Variants in ZNF438 observed in about 807,000 individuals in gnomAD.
ZNF438 encodes the protein zinc finger protein 438.
In ZNF438, 25 loss-of-function variants were observed where a neutral mutation model predicts 38.0. The ratio of observed to expected loss-of-function variants is 0.66; its 90% CI spans 0.48 to 0.92. The LOEUF (loss-of-function observed/expected upper bound fraction) is 0.92. Ranked by LOEUF, ZNF438 falls within the 40% of genes least tolerant of loss-of-function variation. The pLI is 0.00. For missense variants in ZNF438, 1,007 were observed against 999.6 expected, an observed-to-expected ratio of 1.01 and a Z score of -0.10; for synonymous variants, 372 against 364.1, an observed-to-expected ratio of 1.02 and a Z score of -0.25.
At chr10:30,994,332 A>G (rs1046107176) in intron 1 of ZNF438, among the ~76,000 whole-genome samples, 1 of 152,252 alleles carries the variant, frequency 6.6e-6, no homozygotes, top group African/African-American at 2.4e-5. Context: ...TCCTGAATGC[A>G]GAAGTATTGA....
intron 1 of ZNF438, among the ~76,000 whole-genome samples, chr10:30,985,726 T>G (rs1171777251): frequency 6.6e-6 from 1 of 152,208 alleles, no homozygotes; most frequent in Admixed American, 6.5e-5. Context: ...GAAGTCACCA[T>G]GAACACTGAA....
chr10:30,913,276 C>A (rs2043262607), intron 2 of ZNF438, among the ~76,000 whole-genome samples: 1 of 151,966 alleles, frequency 6.6e-6, no homozygotes, highest in Non-Finnish European at 1.5e-5. Flanking sequence ...CTGAACTCTG[C>A]CTCCCTCTCC....
rs910063489 is a variant in ZNF438, at chr10:30,961,953, C to G, written c.-191-20302G>C. Among the ~76,000 whole-genome samples, 23 of 142,882 alleles carry G rather than the reference C, an allele frequency of 1.6e-4. 2 individuals are homozygous for G. The highest frequency in any genetic ancestry group is 1.5e-3 in the Admixed American group (21 of 14,170). The allele number at this position is 142,882 out of a possible 152,430, so 93.7% of individuals were successfully genotyped here. A position where few individuals can be genotyped will look rare whatever the true frequency, so the allele number is the denominator to read the frequency against. On this transcript the variant is annotated intron_variant, in intron 1 of 5. Coordinates refer to ENST00000413025, the Ensembl canonical transcript of ZNF438. ...CTTTCTAAACAAAATGCGTTTAAAA[C>G]TACCAGAGAGGCTAGTACTTACAAA...
At chr10:31,015,138 G>C (rs61845209) in intron 1 of ZNF438, among the ~76,000 whole-genome samples, 8,461 of 152,216 alleles carry the variant, frequency 0.056, 280 homozygotes, top group Non-Finnish European at 0.074. Context: ...AAAGTGCTGA[G>C]ATTACAGGCG....
intron 4 of ZNF438, among the ~76,000 whole-genome samples, chr10:30,871,398 G>C (rs2037385406): frequency 6.6e-6 from 1 of 152,018 alleles, no homozygotes; most frequent in South Asian, 2.1e-4. Context: ...AGAGTTTAAA[G>C]CATTTTATAC....
chr10:30,908,391 A>C (rs2042780696), intron 3 of ZNF438, among the ~76,000 whole-genome samples: 1 of 152,158 alleles, frequency 6.6e-6, no homozygotes. Context: ...TGTGGCTTAT[A>C]ATGTTGGATC....
intron 3 of ZNF438, among the ~76,000 whole-genome samples, chr10:30,890,328 C>T (rs1344881635): frequency 6.6e-6 from 1 of 152,160 alleles, no homozygotes; most frequent in Non-Finnish European, 1.5e-5. Context: ...AGCCTAGATC[C>T]TTATTTTTCC....
intron 4 of ZNF438, among the ~76,000 whole-genome samples, chr10:30,860,267 T>C (rs1371384806): frequency 6.6e-6 from 1 of 152,206 alleles, no homozygotes; most frequent in East Asian, 1.9e-4. Flanking sequence ...CTTGCTGGGT[T>C]TCCTCACTCA....
chr10:30,942,714 G>A (rs16932075), intron 1 of ZNF438, among the ~76,000 whole-genome samples: 8,287 of 151,660 alleles, frequency 0.055, 716 homozygotes, highest in African/African-American at 0.19. Flanking sequence ...CTAGAATTTC[G>A]TATCTCCAAC....
chr10:31,009,999 C>G (rs1314180369), intron 1 of ZNF438, among the ~76,000 whole-genome samples: 1 of 152,080 alleles, frequency 6.6e-6, no homozygotes, highest in Non-Finnish European at 1.5e-5. Context: ...CAGGTGCCTG[C>G]CATGACAACC....
intron 1 of ZNF438, among the ~76,000 whole-genome samples, chr10:31,006,439 C>T (rs1215878256): frequency 1.3e-5 from 2 of 152,084 alleles, no homozygotes; most frequent in African/African-American, 4.8e-5. Flanking sequence ...GGTGGTACAC[C>T]CAGGGAGGGC....
chr10:30,910,083 G>T (rs571577914), intron 2 of ZNF438, among the ~76,000 whole-genome samples: 1 of 152,168 alleles, frequency 6.6e-6, no homozygotes, highest in Non-Finnish European at 1.5e-5. Flanking sequence ...GCAAGCTCCT[G>T]AAGCTCTCTG....
At chr10:30,978,058 T>C (rs879365927) in intron 1 of ZNF438, among the ~76,000 whole-genome samples, 8 of 151,620 alleles carry the variant, frequency 5.3e-5, no homozygotes, top group Non-Finnish European at 1.0e-4. Flanking sequence ...TTAAAAAACA[T>C]GAAATAAAAG....
At chr10:30,968,727 C>T (rs2050421633) in intron 1 of ZNF438, among the ~76,000 whole-genome samples, 1 of 152,032 alleles carries the variant, frequency 6.6e-6, no homozygotes, top group African/African-American at 2.4e-5. Context: ...CAGGCGTGAG[C>T]CACCGTGCCC....
At chr10:30,899,524 A>C (rs1689019299) in intron 3 of ZNF438, among the ~76,000 whole-genome samples, 2 of 152,204 alleles carry the variant, frequency 1.3e-5, no homozygotes, top group South Asian at 4.1e-4. Flanking sequence ...TGGGATTATA[A>C]TACTATACTC....
At chr10:30,984,842 A>T (rs2136533452) in intron 1 of ZNF438, among the ~76,000 whole-genome samples, 1 of 152,328 alleles carries the variant, frequency 6.6e-6, no homozygotes, top group South Asian at 2.1e-4. Context: ...TTTTAAAAGG[A>T]CACATGTCTA....
At chr10:30,886,097 C>G (rs1457102311) in intron 3 of ZNF438, among the ~76,000 whole-genome samples, 1 of 152,148 alleles carries the variant, frequency 6.6e-6, no homozygotes, top group East Asian at 1.9e-4. Context: ...ACTGAAAAAC[C>G]TGAAGAAGCT....
chr10:30,938,213 T>C (rs913496758), intron 2 of ZNF438, among the ~76,000 whole-genome samples: 3 of 152,150 alleles, frequency 2.0e-5, no homozygotes. Context: ...TAATGCTTTG[T>C]TTGCTTGTGT....
At chr10:30,863,851 T>G (rs957765555) in intron 4 of ZNF438, among the ~76,000 whole-genome samples, 8 of 152,178 alleles carry the variant, frequency 5.3e-5, no homozygotes, top group African/African-American at 1.9e-4. Context: ...TGCTCTCCAC[T>G]TCCACCGCCT....
Sources: allele counts gnomAD v4.1 joint callset (sites outside exome capture counted in the v4.1 genomes callset), GRCh38; gene constraint gnomAD v4.1.1; transcripts MANE v1.5; gene names NCBI Gene and HGNC (gene_info 2026-07-23, HGNC 2026-07-21).